FARP1: variants seen among roughly 807,000 people sequenced by gnomAD.
FARP1 encodes the protein FERM, ARH/RhoGEF and pleckstrin domain protein 1.
In FARP1, 52 loss-of-function variants were observed where a neutral mutation model predicts 128.8. The ratio of observed to expected loss-of-function variants is 0.40; its 90% CI spans 0.32 to 0.51. The LOEUF (loss-of-function observed/expected upper bound fraction) is 0.51, where lower values mean the gene tolerates loss of function less well. FARP1 is among the 20% of genes least tolerant of loss of function. FARP1 has a pLI of 0.45. For synonymous variants in FARP1, 580 were observed against 551.8 expected (o/e 1.05, Z -0.72); for missense variants, 1,333 against 1,367.9 (o/e 0.97, Z 0.40).
chr13:98,292,903 C>T (rs1220493540), intron 2 of FARP1, among the ~76,000 whole-genome samples: 2 of 151,948 alleles, frequency 1.3e-5, no homozygotes, highest in Non-Finnish European at 2.9e-5. Context: ...CTGAGCTACA[C>T]GATCCTGTGT....
intron 2 of FARP1, among the ~76,000 whole-genome samples, chr13:98,315,106 A>T (rs1463682312): frequency 6.6e-6 from 1 of 152,192 alleles, no homozygotes; most frequent in Non-Finnish European, 1.5e-5. Flanking sequence ...ATAACAATCG[A>T]CTGTGAGTTA....
intron 2 of FARP1, among the ~76,000 whole-genome samples, chr13:98,232,318 C>G (rs1386453408): frequency 4.6e-5 from 7 of 152,226 alleles, no homozygotes; most frequent in East Asian, 3.9e-4. Flanking sequence ...GAAAAGATTT[C>G]TGTCAGAAGT....
intron 2 of FARP1, among the ~76,000 whole-genome samples, chr13:98,246,540 G>GGT (rs763140686): frequency 6.6e-6 from 1 of 152,026 alleles, no homozygotes; most frequent in Non-Finnish European, 1.5e-5. Context: ...CAAAATAAGT[G>GGT]GTGTGTGTGT....
chr13:98,294,721 A>G (rs1220411038), intron 2 of FARP1, among the ~76,000 whole-genome samples: 1 of 152,164 alleles, frequency 6.6e-6, no homozygotes, highest in Non-Finnish European at 1.5e-5. Flanking sequence ...TTCAAAAAAT[A>G]TGTATGTCCC....
rs1314287430 is a variant in FARP1, at chr13:98,403,131, A to G, written c.1415-6207A>G. The stretch of plus-strand genomic sequence containing the variant: ...CTGCTGAATACCAATTTGTACTTGG[A>G]ATACCTCTTTCCTCTAGAATACAGT... On this transcript the variant is annotated intron_variant, in intron 13 of 26. Coordinates refer to ENST00000319562, the MANE Select transcript of FARP1 (RefSeq NM_005766.4). 5 of 149,848 alleles carry G rather than the reference A, an allele frequency of 3.3e-5. No individual in the cohort carries two copies. The East Asian group carries it at 9.8e-4, about 29-fold the overall frequency. 9.3% of individuals were successfully genotyped at this position (149,848 alleles called of 1,614,324 possible). A position where few individuals can be genotyped will look rare whatever the true frequency, so the allele number is the denominator to read the frequency against.
intron 2 of FARP1, among the ~76,000 whole-genome samples, chr13:98,258,480 C>T (rs1295545979): frequency 3.3e-5 from 5 of 152,048 alleles, no homozygotes; most frequent in African/African-American, 9.7e-5. Context: ...TAATTTGTGA[C>T]CTTGAATAGG....
chr13:98,392,530 G>C (rs1005286802), intron 11 of FARP1, among the ~76,000 whole-genome samples: 1 of 150,970 alleles, frequency 6.6e-6, no homozygotes, highest in African/African-American at 2.4e-5. Context: ...AAGAAAAACT[G>C]CTCTGAGTGT....
At chr13:98,186,407 G>A (rs536345198) in intron 1 of FARP1, among the ~76,000 whole-genome samples, 31 of 151,916 alleles carry the variant, frequency 2.0e-4, no homozygotes, top group South Asian at 1.0e-3. Flanking sequence ...CGCGCCTGGC[G>A]CTCCAGAACA....
rs547823910 is a variant in FARP1 at position 98,411,965 on chromosome 13, C to T, written c.1757C>T (p.Pro586Leu). The T allele has an allele frequency of 2.0e-5, 33 of 1,613,802 alleles. No individual in the cohort carries two copies. Among genetic ancestry groups the T allele is most frequent in the African/African-American group, 2.7e-5 (2 of 74,900 alleles). Reference protein sequence around the residue: ...MPEALKSLIFPNFEPLHKFHT... With the variant: ...MPEALKSLIFLNFEPLHKFHT... ...GAAGCACTGAAAAGTCTCATATTCCCGAATTTTGAACCTTTGCACAAATTT... is the reference window on the plus strand; with the variant it reads ...GAAGCACTGAAAAGTCTCATATTCCTGAATTTTGAACCTTTGCACAAATTT... Residue 586 changes from proline to leucine, a missense_variant, in exon 16 of 27, where the codon CCG becomes CTG. Physicochemically the swap from Pro to Leu is moderately conservative, Grantham distance 98. Around this residue, in one of 2 missense-constraint regions of FARP1, gnomAD observed 1,009 missense variants for 969.8 expected, o/e 1.04. Transcript: ENST00000319562.
At chr13:98,398,078 C>T (rs963876618) in intron 13 of FARP1, 1 of 152,180 alleles carries the variant, frequency 6.6e-6, no homozygotes, top group Non-Finnish European at 1.5e-5. Flanking sequence ...GCTTAGGACA[C>T]TGAGTAGAAT....
At position 98,183,089 on chromosome 13, in the gene FARP1, C is replaced by A. The variant is rs796539446; in HGVS notation, c.-23-30131C>A. On this transcript the variant is annotated intron_variant, in intron 1 of 26. Coordinates refer to ENST00000319562, the MANE Select transcript of FARP1 (RefSeq NM_005766.4). ...TGAATGGTGCTCACTTTTTGGGAAC[C>A]ATAGTTGTTAGGTTTTATCTTCTTT... is the stretch of plus-strand genomic sequence containing the variant. 3.3e-5 allele frequency among the ~76,000 whole-genome samples: 5 copies of A among 152,220 alleles called. No homozygotes were observed. In the South Asian group the frequency reaches 1.0e-3, roughly 32 times the overall value.
At chr13:98,386,478 T>C (rs1295646438) in intron 8 of FARP1, among the ~76,000 whole-genome samples, 1 of 152,224 alleles carries the variant, frequency 6.6e-6, no homozygotes, top group Non-Finnish European at 1.5e-5. Context: ...AGTAGCCTTA[T>C]TGAAGTATTG....
chr13:98,309,811 G>A lies in FARP1; in HGVS notation c.172-33951G>A, dbSNP rs115264847. Among the ~76,000 whole-genome samples, 600 of 152,306 alleles carry A rather than the reference G, an allele frequency of 3.9e-3. 2 individuals are homozygous for A. Among genetic ancestry groups the A allele is most frequent in the African/African-American group, 0.014 (563 of 41,576 alleles). ...TACCCCAAACGGACAAACTCGAAAC[G>A]GTGGGTGAACGCTTGCATTGTTTTC... On this transcript the variant is annotated intron_variant, in intron 2 of 26. Coordinates refer to ENST00000319562, the MANE Select transcript of FARP1 (RefSeq NM_005766.4).
At chr13:98,267,097 C>A (rs1161347047) in intron 2 of FARP1, among the ~76,000 whole-genome samples, 1 of 151,076 alleles carries the variant, frequency 6.6e-6, no homozygotes. Flanking sequence ...ATGAATAGCA[C>A]AGTAAGAAAA....
chr13:98,418,361 G>A (rs538244135), intron 16 of FARP1, among the ~76,000 whole-genome samples: 13 of 151,964 alleles, frequency 8.6e-5, no homozygotes, highest in East Asian at 5.8e-4. Context: ...TGCAACCTCC[G>A]TCTCCCAGGT....
intron 2 of FARP1, among the ~76,000 whole-genome samples, chr13:98,220,625 AGGCTATTTT>A (rs1881360065): frequency 2.0e-5 from 3 of 152,214 alleles, no homozygotes; most frequent in Admixed American, 6.5e-5. Context: ...TTAAATTTAA[AGGCTATTTT>A]GGCTATTTTA....
chr13:98,318,965 T>TG (rs1391283520), intron 2 of FARP1, among the ~76,000 whole-genome samples: 1 of 150,048 alleles, frequency 6.7e-6, no homozygotes, highest in Admixed American at 6.6e-5. Flanking sequence ...TTTTTTTTTT[T>TG]TTTTGTTTGT....
At chr13:98,309,230 A>C (rs1594384449) in intron 2 of FARP1, among the ~76,000 whole-genome samples, 1 of 120,264 alleles carries the variant, frequency 8.3e-6, no homozygotes, top group African/African-American at 3.3e-5. Context: ...GCAGTGGCGC[A>C]ATCTCGGCTC....
chr13:98,422,972 A>G (rs1891647218), intron 16 of FARP1, among the ~76,000 whole-genome samples: 1 of 152,194 alleles, frequency 6.6e-6, no homozygotes. Context: ...AGGTCCCACA[A>G]TAGGCTGTCT....
Sources: gnomAD v4.1 joint callset for allele counts (sites outside exome capture counted in the v4.1 genomes callset) on GRCh38, gnomAD v4.1.1 for gene constraint, gnomAD v4.1.1 regional missense constraint, MANE v1.5 for transcripts, NCBI Gene and HGNC (gene_info 2026-07-23, HGNC 2026-07-21) for gene names.